CD247: variants seen among roughly 807,000 people sequenced by gnomAD.
CD247 encodes the protein T-cell surface glycoprotein CD3 zeta chain.
CD247 carries 13 observed loss-of-function variants against 30.0 expected under a neutral mutation model. The ratio of observed to expected loss-of-function variants is 0.43; its 90% CI spans 0.28 to 0.69. CD247 has a LOEUF of 0.69. CD247 is among the 30% of genes least tolerant of loss of function. The pLI is 0.16. For missense variants in CD247, 193 were observed against 212.6 expected, an observed-to-expected ratio of 0.91 and a Z score of 0.57; for synonymous variants, 72 against 80.0, an observed-to-expected ratio of 0.90 and a Z score of 0.53.
At chr1:167,506,245 C>CTTTT (rs1491102013) in intron 1 of CD247, among the ~76,000 whole-genome samples, 10 of 26,150 alleles carry the variant, frequency 3.8e-4, no homozygotes, top group Non-Finnish European at 6.4e-4. Flanking sequence ...CTTTTCTTTT[C>CTTTT]CTTTTCTTTT....
chr1:167,489,109 C>T (rs982038133), intron 1 of CD247, among the ~76,000 whole-genome samples: 3 of 152,128 alleles, frequency 2.0e-5, no homozygotes, highest in African/African-American at 7.2e-5. Flanking sequence ...TAATAAAAAT[C>T]CGGGGCAGGA....
At chr1:167,508,940 C>G (rs1655262680) in intron 1 of CD247, among the ~76,000 whole-genome samples, 1 of 152,164 alleles carries the variant, frequency 6.6e-6, no homozygotes, top group Non-Finnish European at 1.5e-5. Context: ...AAAACACTGG[C>G]CTGGCCAGTG....
chr1:167,472,523 A>G (rs1024938356), intron 1 of CD247, among the ~76,000 whole-genome samples: 20 of 152,200 alleles, frequency 1.3e-4, no homozygotes, highest in African/African-American at 4.8e-4. Context: ...ATGCATTACA[A>G]TTAAGAAAGC....
At chr1:167,490,155 C>T (rs762084844) in intron 1 of CD247, among the ~76,000 whole-genome samples, 2 of 152,178 alleles carry the variant, frequency 1.3e-5, no homozygotes, top group African/African-American at 4.8e-5. Context: ...CCTACGGCGG[C>T]GGAAAGATCG....
At chr1:167,474,253 G>A (rs1002485290) in intron 1 of CD247, among the ~76,000 whole-genome samples, 7 of 152,026 alleles carry the variant, frequency 4.6e-5, no homozygotes, top group Non-Finnish European at 5.9e-5. Flanking sequence ...CAAAGTTACT[G>A]CCTGAGACTT....
At chr1:167,468,222 C>T (rs561903340) in intron 1 of CD247, among the ~76,000 whole-genome samples, 1 of 151,938 alleles carries the variant, frequency 6.6e-6, no homozygotes, top group Non-Finnish European at 1.5e-5. Flanking sequence ...AAGAAAACGT[C>T]CCTGTAATAG....
At chr1:167,435,527 T>A in intron 4 of CD247, 93 bp from the exon 5 acceptor site, 1 of 1,023,422 alleles carries the variant, frequency 9.8e-7, no homozygotes, top group Non-Finnish European at 1.5e-6. Flanking sequence ...CTGACTGCAG[T>A]TTCCTGGGGC....
intron 2 of CD247, 76 bp from the exon 3 acceptor site, chr1:167,439,476 G>T: frequency 7.8e-7 from 1 of 1,278,596 alleles, no homozygotes; most frequent in Non-Finnish European, 1.1e-6. Context: ...GGCGCGCGGC[G>T]ACCCGAGGGA....
chr1:167,432,793 C>T (rs1436414945), intron 7 of CD247, among the ~76,000 whole-genome samples: 3 of 152,210 alleles, frequency 2.0e-5, no homozygotes, highest in African/African-American at 7.2e-5. Context: ...TCTGCCATGG[C>T]CAAGCAAGGC....
At chr1:167,440,908 C>T in intron 1 of CD247, 141 bp from the exon 2 acceptor site, 1 of 691,250 alleles carries the variant, frequency 1.4e-6, no homozygotes. Context: ...TCAGCCTGAT[C>T]ACAACCCTCT....
chr1:167,491,974 G>A (rs1654469984), intron 1 of CD247, among the ~76,000 whole-genome samples: 1 of 152,162 alleles, frequency 6.6e-6, no homozygotes, highest in African/African-American at 2.4e-5. Context: ...GGAGGAGGCG[G>A]GAATGGGGAG....
At chr1:167,509,635 A>C (rs1483347617) in intron 1 of CD247, among the ~76,000 whole-genome samples, 1 of 152,122 alleles carries the variant, frequency 6.6e-6, no homozygotes, top group Non-Finnish European at 1.5e-5. Context: ...CTGGGTGCCG[A>C]GTCTCTTCTC....
chr1:167,443,559 C>G (rs1651936684), intron 1 of CD247, among the ~76,000 whole-genome samples: 1 of 152,196 alleles, frequency 6.6e-6, no homozygotes, highest in Non-Finnish European at 1.5e-5. Flanking sequence ...GAGAAAATCA[C>G]TCAGCTGCTT....
chr1:167,498,035 T>G (rs1282186241), intron 1 of CD247, among the ~76,000 whole-genome samples: 1 of 152,208 alleles, frequency 6.6e-6, no homozygotes, highest in Non-Finnish European at 1.5e-5. Flanking sequence ...GATCTTGCTG[T>G]AGATGGGTGA....
intron 7 of CD247, 22 bp from the exon 8 acceptor site, chr1:167,431,768 AAAC>A (rs1651282425): frequency 3.1e-6 from 5 of 1,611,866 alleles, no homozygotes; most frequent in Non-Finnish European, 4.2e-6. Context: ...GCAAATCAGA[AAAC>A]AAAGAGTGGG....
intron 1 of CD247, among the ~76,000 whole-genome samples, chr1:167,511,741 C>A (rs532150933): frequency 6.6e-6 from 1 of 152,144 alleles, no homozygotes; most frequent in South Asian, 2.1e-4. Context: ...CGGACCTGGG[C>A]GAGCGGCTGC....
intron 1 of CD247, among the ~76,000 whole-genome samples, chr1:167,505,553 T>C (rs1655079840): frequency 6.6e-6 from 1 of 152,260 alleles, no homozygotes; most frequent in African/African-American, 2.4e-5. Flanking sequence ...GTGCAGCTCA[T>C]GTGGGGCAAG....
chr1:167,447,103 A>G (rs532910702), intron 1 of CD247, among the ~76,000 whole-genome samples: 2 of 152,378 alleles, frequency 1.3e-5, no homozygotes, highest in South Asian at 4.1e-4. Flanking sequence ...AATGATAATG[A>G]TGTAACACAT....
intron 1 of CD247, among the ~76,000 whole-genome samples, chr1:167,476,482 A>G (rs1004632191): frequency 1.3e-5 from 2 of 152,202 alleles, no homozygotes; most frequent in African/African-American, 4.8e-5. Flanking sequence ...AAATAGTATA[A>G]TATATAGGAT....
Sources: allele counts gnomAD v4.1 joint callset (sites outside exome capture counted in the v4.1 genomes callset), GRCh38; gene constraint gnomAD v4.1.1; transcripts MANE v1.5; gene names NCBI Gene and HGNC (gene_info 2026-07-23, HGNC 2026-07-21).